The following CSMD3 variants were observed in gnomAD, a reference collection of about 807,000 sequenced individuals.
CSMD3 encodes the protein CUB and sushi domain-containing protein 3.
A neutral mutation model predicts 435.2 loss-of-function variants in CSMD3; 177 were observed. The observed-to-expected ratio is 0.41, with a 90% CI of 0.36 to 0.46. CSMD3 has a LOEUF of 0.46. CSMD3 is among the 20% of genes least tolerant of loss of function. CSMD3 has a pLI of 0.34. For synonymous variants in CSMD3, 1,656 were observed against 1,520.5 expected, an observed-to-expected ratio of 1.09 and a Z score of -2.07; for missense variants, 4,265 against 4,504.6, an observed-to-expected ratio of 0.95 and a Z score of 1.52.
intron 1 of CSMD3, among the ~76,000 whole-genome samples, chr8:113,391,835 G>T (rs569350803): frequency 6.6e-6 from 1 of 152,072 alleles, no homozygotes; most frequent in African/African-American, 2.4e-5. Flanking sequence ...AAGGGAAAAA[G>T]AAGAGGAAGT....
At chr8:113,165,606 A>G (rs1379088732) in intron 4 of CSMD3, among the ~76,000 whole-genome samples, 1 of 152,178 alleles carries the variant, frequency 6.6e-6, no homozygotes, top group Non-Finnish European at 1.5e-5. Flanking sequence ...TTGCACAGAA[A>G]GAGAATGAAG....
intron 31 of CSMD3, among the ~76,000 whole-genome samples, chr8:112,473,407 G>A (rs59127229): frequency 0.017 from 2,646 of 152,158 alleles, 78 homozygotes; most frequent in African/African-American, 0.06. Context: ...ATTTAGTACC[G>A]AAAGCATACG....
chr8:113,275,726 G>A (rs1319996744), intron 3 of CSMD3, among the ~76,000 whole-genome samples: 1 of 152,012 alleles, frequency 6.6e-6, no homozygotes, highest in African/African-American at 2.4e-5. Context: ...GAGACCAGGA[G>A]CAGTGGCTCT....
chr8:112,364,130 A>G (rs1392221958), intron 38 of CSMD3, among the ~76,000 whole-genome samples: 1 of 152,048 alleles, frequency 6.6e-6, no homozygotes, highest in African/African-American at 2.4e-5. Flanking sequence ...CAGTAAAAAT[A>G]ATAACAGTTA....
chr8:113,257,398 A>G (rs2093391202), intron 3 of CSMD3, among the ~76,000 whole-genome samples: 1 of 152,096 alleles, frequency 6.6e-6, no homozygotes, highest in East Asian at 1.9e-4. Flanking sequence ...GCAACAGGGC[A>G]AGACTCTGTC....
At position 112,659,588 on chromosome 8, in the gene CSMD3, G is replaced by A. The variant is rs905367371; in HGVS notation, c.2817-3247C>T. Among the ~76,000 whole-genome samples the A allele has an allele frequency of 3.9e-5, 6 of 152,172 alleles. No individual in the cohort carries two copies. The South Asian group carries it at 6.2e-4, about 16-fold the overall frequency. ...GGAGCTGAGGATAGGAAAAGGAACC[G>A]AAAAATACACTTTGAATGATGGATA... On this transcript the variant is annotated intron_variant, in intron 17 of 70. Coordinates refer to ENST00000297405, the MANE Select transcript of CSMD3 (RefSeq NM_198123.2).
chr8:113,198,709 A>G (rs1403704563), intron 3 of CSMD3, among the ~76,000 whole-genome samples: 1 of 151,122 alleles, frequency 6.6e-6, no homozygotes, highest in African/African-American at 2.4e-5. Context: ...CTTAATCATT[A>G]CTCCCTTAAA....
intron 3 of CSMD3, among the ~76,000 whole-genome samples, chr8:113,231,465 A>C (rs1382605709): frequency 1.3e-5 from 2 of 151,490 alleles, no homozygotes; most frequent in African/African-American, 4.8e-5. Flanking sequence ...TAGTAGCTCA[A>C]GTACACTTTT....
intron 13 of CSMD3, among the ~76,000 whole-genome samples, chr8:112,719,645 A>C (rs2131961799): frequency 6.6e-6 from 1 of 152,228 alleles, no homozygotes; most frequent in South Asian, 2.1e-4. Flanking sequence ...AAATACTATC[A>C]TATTGGGGGT....
At chr8:113,089,201 T>C (rs1564301621) in intron 5 of CSMD3, among the ~76,000 whole-genome samples, 1 of 152,148 alleles carries the variant, frequency 6.6e-6, no homozygotes, top group Non-Finnish European at 1.5e-5. Flanking sequence ...TAATTTTCAT[T>C]CAACATCACT....
chr8:112,479,171 G>A (rs899401892), intron 31 of CSMD3, among the ~76,000 whole-genome samples: 1 of 152,216 alleles, frequency 6.6e-6, no homozygotes, highest in African/African-American at 2.4e-5. Context: ...GGCCCAGGTG[G>A]GGTGTCGCTG....
At chr8:112,704,717 T>C (rs2076462040) in intron 13 of CSMD3, among the ~76,000 whole-genome samples, 1 of 152,158 alleles carries the variant, frequency 6.6e-6, no homozygotes, top group Non-Finnish European at 1.5e-5. Flanking sequence ...TTTTTATGGA[T>C]AAGACTAATT....
At chr8:113,127,470 C>A (rs912600482) in intron 4 of CSMD3, among the ~76,000 whole-genome samples, 3 of 151,944 alleles carry the variant, frequency 2.0e-5, no homozygotes, top group Non-Finnish European at 4.4e-5. Context: ...CAATAACTAC[C>A]CTGTTGCTCC....
chr8:113,060,313 AG>A (rs1325468834), intron 5 of CSMD3, among the ~76,000 whole-genome samples: 1 of 148,374 alleles, frequency 6.7e-6, no homozygotes, highest in Non-Finnish European at 1.5e-5. Flanking sequence ...GTCCCTACAA[AG>A]GATATGAACT....
intron 13 of CSMD3, among the ~76,000 whole-genome samples, chr8:112,788,836 T>C (rs186297596): frequency 7.6e-4 from 115 of 152,250 alleles, no homozygotes; most frequent in Non-Finnish European, 1.5e-3. Flanking sequence ...GCAGTTGTTT[T>C]CTGAAAGAAC....
intron 22 of CSMD3, among the ~76,000 whole-genome samples, chr8:112,619,906 A>G (rs1199076592): frequency 1.3e-5 from 2 of 151,974 alleles, no homozygotes; most frequent in African/African-American, 4.8e-5. Flanking sequence ...GAGATCTAAA[A>G]TGATGTTAAA....
chr8:112,924,075 G>T (rs1193515079), intron 9 of CSMD3, among the ~76,000 whole-genome samples: 1 of 152,140 alleles, frequency 6.6e-6, no homozygotes, highest in Non-Finnish European at 1.5e-5. Context: ...AGGGGTTGTG[G>T]TTAGATTGGT....
chr8:112,238,698 A>C (rs1264791264), intron 66 of CSMD3, among the ~76,000 whole-genome samples: 1 of 151,644 alleles, frequency 6.6e-6, no homozygotes, highest in Admixed American at 6.6e-5. Context: ...AATTTTTAAA[A>C]ATTATAAATT....
At chr8:112,351,028 A>T (rs1287123764) in intron 40 of CSMD3, 147 bp downstream of exon 40, 4 of 456,548 alleles carry the variant, frequency 8.8e-6, no homozygotes, top group Non-Finnish European at 1.6e-5. Context: ...TCATTTCCAT[A>T]AGATCTGGTA....
Sources: gnomAD v4.1 joint callset for allele counts (sites outside exome capture counted in the v4.1 genomes callset) on GRCh38, gnomAD v4.1.1 for gene constraint, MANE v1.5 for transcripts, NCBI Gene and HGNC (gene_info 2026-07-23, HGNC 2026-07-21) for gene names.